Variants in EPAS1 observed in about 807,000 individuals in gnomAD.
EPAS1 encodes endothelial PAS domain protein 1, also known as endothelial PAS domain-containing protein 1.
A neutral mutation model predicts 87.9 loss-of-function variants in EPAS1; 23 were observed. That is an observed-to-expected ratio of 0.26 (90% CI 0.19 to 0.37). The LOEUF (loss-of-function observed/expected upper bound fraction) is 0.37, where lower values mean the gene tolerates loss of function less well. EPAS1 is among the 10% of genes least tolerant of loss of function. The probability of loss-of-function intolerance (pLI) is 1.00; values close to 1 mark genes in which losing one functional copy is unlikely to be tolerated. For missense variants in EPAS1, 1,138 were observed against 1,120.7 expected (o/e 1.02, Z -0.22); for synonymous variants, 508 against 444.3 (o/e 1.14, Z -1.80).
intron 1 of EPAS1, among the ~76,000 whole-genome samples, chr2:46,325,712 C>G (rs1683549397): frequency 6.6e-6 from 1 of 152,186 alleles, no homozygotes; most frequent in South Asian, 2.1e-4. Flanking sequence ...GACATACACG[C>G]TCACTTCCAG....
At chr2:46,328,140 T>C (rs1683601834) in intron 1 of EPAS1, among the ~76,000 whole-genome samples, 1 of 152,046 alleles carries the variant, frequency 6.6e-6, no homozygotes, top group Admixed American at 6.5e-5. Context: ...AAAAGAGACT[T>C]AACAAAACTT....
At chr2:46,321,665 T>C (rs1469543295) in intron 1 of EPAS1, among the ~76,000 whole-genome samples, 1 of 152,102 alleles carries the variant, frequency 6.6e-6, no homozygotes, top group Non-Finnish European at 1.5e-5. Context: ...TATAAACATA[T>C]TGCCTGTTCC....
At position 46,366,375 on chromosome 2, in the gene EPAS1, A is replaced by G. The variant is rs796403071; in HGVS notation, c.780-3452A>G. On this transcript the variant is annotated intron_variant, in intron 6 of 15. Transcript: ENST00000263734. ...GAAGGCACATCTCACTCTGAAGTCC[A>G]GTGCTCAGAGAGCTGACCCACGTAT... 5.9e-5 allele frequency among the ~76,000 whole-genome samples: 9 copies of G among 152,356 alleles called. 1 individual carries two copies. Among genetic ancestry groups the G allele is most frequent in the African/African-American group, 1.9e-4 (8 of 41,580 alleles).
At chr2:46,341,897 T>A (rs1057268496) in intron 1 of EPAS1, among the ~76,000 whole-genome samples, 7 of 152,186 alleles carry the variant, frequency 4.6e-5, no homozygotes, top group African/African-American at 1.7e-4. Flanking sequence ...TAAATATGTT[T>A]CCTTTTCATC....
Position 46,375,508 on chromosome 2 carries a change from A to C in EPAS1, c.887-182A>C. On this transcript the variant is annotated intron_variant, in intron 7 of 15. Transcript: ENST00000263734. This position sits in a 1 kb window ranked among gnomAD's most constrained non-coding sequence, Gnocchi z 4.1. The stretch of plus-strand genomic sequence containing the variant: ...CCTCTTTTTCCTATATTTAAAATGA[A>C]GAGTTGGCTGAGGTGATCCCTAAGC... The C allele has an allele frequency of 1.5e-6, 1 of 685,672 alleles. No individual in the cohort carries two copies. The highest frequency in any genetic ancestry group is 2.7e-5 in the East Asian group (1 of 36,422). The allele number at this position is 685,672 out of a possible 1,614,324, so 42.5% of individuals were successfully genotyped here.
In EPAS1 at chr2:46,370,067, A is replaced by C. The variant is rs111435708; in HGVS notation, c.886+134A>C. The C allele has an allele frequency of 9.2e-4, 696 of 753,894 alleles. 4 individuals carry two copies. In the African/African-American group the frequency reaches 0.011, roughly 12 times the overall value. 46.7% of individuals were successfully genotyped at this position (753,894 alleles called of 1,614,324 possible). A position where few individuals can be genotyped will look rare whatever the true frequency, so the allele number is the denominator to read the frequency against. Reference sequence around the variant, plus strand: ...CTGTCTTGTGTGGCAGACAAGACTTATGCCCTCAAGATGGTTAGAAAACCA... The same window carrying C: ...CTGTCTTGTGTGGCAGACAAGACTTCTGCCCTCAAGATGGTTAGAAAACCA... On this transcript the variant is annotated intron_variant, in intron 7 of 15. Coordinates refer to ENST00000263734, the MANE Select transcript of EPAS1 (RefSeq NM_001430.5).
intron 14 of EPAS1, 147 bp from the exon 15 acceptor site, chr2:46,382,278 A>T: frequency 8.7e-7 from 1 of 1,150,590 alleles, no homozygotes. Flanking sequence ...ACTCTGACTT[A>T]GATGATGCCA....
At chr2:46,358,360 G>A (rs1684312531) in intron 4 of EPAS1, among the ~76,000 whole-genome samples, 1 of 152,194 alleles carries the variant, frequency 6.6e-6, no homozygotes, top group African/African-American at 2.4e-5. Context: ...GTCTGGTTCT[G>A]TGGGGAAAGG....
In EPAS1 at chr2:46,376,792, G is replaced by T. The variant is rs370794373; in HGVS notation, c.1249+39G>T. ...AGCTAAGCCAGGCCCCTGGAACCCC[G>T]TTGGGGCTGGGAAGAGTTCTTACTA... On this transcript the variant is annotated intron_variant, in intron 9 of 15. Coordinates refer to ENST00000263734, the MANE Select transcript of EPAS1 (RefSeq NM_001430.5). 2.1e-5 allele frequency: 34 copies of T among 1,602,414 alleles called. No homozygotes were observed. In the East Asian group the frequency reaches 6.0e-4, roughly 28 times the overall value.
rs965825554 is a variant in EPAS1 at position 46,380,364 on chromosome 2, C to T, written c.1692C>T (p.Phe564=). Residue 564 remains phenylalanine (F), a synonymous_variant, in exon 12 of 16, where the codon TTC becomes TTT. Transcript: ENST00000263734. This position sits in a 1 kb window ranked among gnomAD's most constrained non-coding sequence, Gnocchi z 4.4. Reference sequence around the variant, plus strand: ...CACAGTCCACCCCCCAGCACTGCTTCAGTGCCATGACAAACATCTTCCAGC... The same window carrying T: ...CACAGTCCACCCCCCAGCACTGCTTTAGTGCCATGACAAACATCTTCCAGC... ...ENPQSTPQHC[F]SAMTNIFQPL... The T allele has an allele frequency of 3.7e-6, 6 of 1,614,198 alleles. No individual in the cohort carries two copies. The highest frequency in any genetic ancestry group is 4.2e-6 in the Non-Finnish European group (5 of 1,180,036).
rs188294346 is a variant in EPAS1 at position 46,338,791 on chromosome 2, C to T, written c.27-8082C>T. 3.3e-5 allele frequency among the ~76,000 whole-genome samples: 5 copies of T among 152,282 alleles called. No homozygotes were observed. The East Asian group carries it at 9.7e-4, about 29-fold the overall frequency. ...GCTGAGCCTGGTTCCAAGGCTGAGA[C>T]TGTTGCATGTTCTGTCTTCCTTCCC... is the stretch of plus-strand genomic sequence containing the variant. On this transcript the variant is annotated intron_variant, in intron 1 of 15. Coordinates refer to ENST00000263734, the MANE Select transcript of EPAS1 (RefSeq NM_001430.5).
chr2:46,297,850 C>T lies in EPAS1; in HGVS notation c.-62C>T. 1 of 1,586,324 alleles carries T rather than the reference C, an allele frequency of 6.3e-7. No homozygotes were observed. The highest frequency in any genetic ancestry group is 8.6e-7 in the Non-Finnish European group (1 of 1,166,906). On this transcript the variant is annotated 5_prime_UTR_variant, in exon 1 of 16. Transcript: ENST00000263734. Reference sequence around the variant, plus strand: ...GCGGGGAGCGGACGAGGGCCACAGCCCCCCACCCGCCAGGGAGCCCAGGTG... The same window carrying T: ...GCGGGGAGCGGACGAGGGCCACAGCTCCCCACCCGCCAGGGAGCCCAGGTG...
chr2:46,331,071 A>G (rs1018040476), intron 1 of EPAS1, among the ~76,000 whole-genome samples: 2 of 152,142 alleles, frequency 1.3e-5, no homozygotes, highest in Admixed American at 6.5e-5. Flanking sequence ...TGTATATATT[A>G]TTTATTCCTC....
chr2:46,376,922 A>C (rs980097662), intron 9 of EPAS1, among the ~76,000 whole-genome samples, 169 bp downstream of exon 9: 92 of 152,268 alleles, frequency 6.0e-4, no homozygotes, highest in African/African-American at 2.1e-3. Flanking sequence ...GCACAAAAGA[A>C]CACCACACGC....
intron 7 of EPAS1, 106 bp downstream of exon 7, chr2:46,370,039 C>A: frequency 1.2e-6 from 1 of 869,378 alleles, no homozygotes; most frequent in African/African-American, 1.7e-5. Context: ...CTCCACAGAG[C>A]TGCTGTCTTG....
intron 1 of EPAS1, among the ~76,000 whole-genome samples, chr2:46,316,587 A>G (rs1683343042): frequency 6.6e-6 from 1 of 152,202 alleles, no homozygotes; most frequent in East Asian, 1.9e-4. Flanking sequence ...TAATTTAAAA[A>G]TATTTTATTG....
rs1572652405 is a variant in EPAS1, at chr2:46,385,199, T to C, written c.*539T>C. On this transcript the variant is annotated 3_prime_UTR_variant, in exon 16 of 16. Coordinates refer to ENST00000263734, the MANE Select transcript of EPAS1 (RefSeq NM_001430.5). ...TGTAAATTTCAGGGTTTTTTTTTTT[T>C]TGTTTAAGCTGACTCTTTGCTCTAA... is the stretch of plus-strand genomic sequence containing the variant. The C allele has an allele frequency of 7.5e-6, 1 of 133,062 alleles. No individual in the cohort carries two copies. Among genetic ancestry groups the C allele is most frequent in the African/African-American group, 2.9e-5 (1 of 35,058 alleles). 8.2% of individuals were successfully genotyped at this position (133,062 alleles called of 1,614,324 possible). A position where few individuals can be genotyped will look rare whatever the true frequency, so the allele number is the denominator to read the frequency against.
chr2:46,375,235 G>A lies in EPAS1; in HGVS notation c.887-455G>A, dbSNP rs1190435675. Among the ~76,000 whole-genome samples, 2 of 145,870 alleles carry A rather than the reference G, an allele frequency of 1.4e-5. No individual in the cohort carries two copies. Among genetic ancestry groups the A allele is most frequent in the Admixed American group, 6.7e-5 (1 of 14,874 alleles). ...TGCCCTGAGGTCAGGCTTTCTCCAG[G>A]CTGCTTAGAAGTCCCCCCACCTGGA... On this transcript the variant is annotated intron_variant, in intron 7 of 15. Transcript: ENST00000263734. The surrounding 1 kb of genome is among the most constrained non-coding windows in gnomAD (Gnocchi z 4.1).
chr2:46,367,726 G>T (rs1684533011), intron 6 of EPAS1, among the ~76,000 whole-genome samples: 1 of 152,248 alleles, frequency 6.6e-6, no homozygotes, highest in Non-Finnish European at 1.5e-5. Context: ...CCACTGGGCT[G>T]AATCAGCTGA....
Sources: allele counts gnomAD v4.1 joint callset (sites outside exome capture counted in the v4.1 genomes callset), GRCh38; gene constraint gnomAD v4.1.1; non-coding constraint Gnocchi (gnomAD v3.1); transcripts MANE v1.5; gene names NCBI Gene and HGNC (gene_info 2026-07-23, HGNC 2026-07-21).